SNAI2: variants seen among roughly 807,000 people sequenced by gnomAD.
The protein encoded by SNAI2 is snail family transcriptional repressor 2, also known as zinc finger protein SNAI2.
In SNAI2, 2 loss-of-function variants were observed where a neutral mutation model predicts 22.4. That is an observed-to-expected ratio of 0.09 (90% confidence interval 0.04 to 0.28). The LOEUF is 0.28. SNAI2 is among the 10% of genes least tolerant of loss of function. The pLI is 1.00. For missense variants in SNAI2, 239 were observed against 320.8 expected, an observed-to-expected ratio of 0.75 and a Z score of 1.95; for synonymous variants, 134 against 123.0, an observed-to-expected ratio of 1.09 and a Z score of -0.59.
Position 48,918,995 on chromosome 8 carries a change from G to T in SNAI2, c.626-7C>A. ...CAAGAAAAAGGCTTCTCCCCTGGGG[G>T]TGGAGTGGGAGAAAAAAAGAAAGAC... On this transcript the variant is annotated splice_polypyrimidine_tract_variant and splice_region_variant and intron_variant, in intron 2 of 2. Coordinates refer to ENST00000020945, the MANE Select transcript of SNAI2 (RefSeq NM_003068.5). The T allele has an allele frequency of 6.2e-7, 1 of 1,613,032 alleles. No homozygotes were observed. The highest frequency in any genetic ancestry group is 1.3e-5 in the African/African-American group (1 of 75,014).
At chr8:48,920,883 C>T (rs1222414115) in intron 1 of SNAI2, among the ~76,000 whole-genome samples, 1 of 152,202 alleles carries the variant, frequency 6.6e-6, no homozygotes, top group Non-Finnish European at 1.5e-5. Context: ...GCATGAAAAA[C>T]GCAGTAATTC....
chr8:48,919,765 A>G, intron 2 of SNAI2, 131 bp downstream of exon 2: 4 of 981,502 alleles, frequency 4.1e-6, no homozygotes, highest in Non-Finnish European at 6.4e-6. Context: ...CTTTTTGAGT[A>G]GTCAGGAAGT....
At position 48,918,241 on chromosome 8, in the gene SNAI2, A is replaced by AG. The variant is rs1806107103; in HGVS notation, c.*565_*566insC. The AG allele has an allele frequency of 1.3e-5, 2 of 153,416 alleles. No homozygotes were observed. The highest frequency in any genetic ancestry group is 2.9e-5 in the Non-Finnish European group (2 of 68,852). 9.5% of individuals were successfully genotyped at this position (153,416 alleles called of 1,614,324 possible). A position where few individuals can be genotyped will look rare whatever the true frequency, so the allele number is the denominator to read the frequency against. On this transcript the variant is annotated 3_prime_UTR_variant, in exon 3 of 3. Coordinates refer to ENST00000020945, the MANE Select transcript of SNAI2 (RefSeq NM_003068.5). ...CATTCTCCTGTGTTTTGTTCTTGTT[A>AG]TTTTTTTCCTCCCTTTTAAAAATAT...
Position 48,918,568 on chromosome 8 carries a change from A to G in SNAI2, c.*239T>C, listed in dbSNP as rs996257382. On this transcript the variant is annotated 3_prime_UTR_variant, in exon 3 of 3. Coordinates refer to ENST00000020945, the MANE Select transcript of SNAI2 (RefSeq NM_003068.5). ...TGTCTTTTATTCTCTCAATCTAGCC[A>G]TCAGCAAATATATAGTAATTTTAAA... is the stretch of plus-strand genomic sequence containing the variant. 8 of 520,306 alleles carry G rather than the reference A, an allele frequency of 1.5e-5. No individual in the cohort carries two copies. The highest frequency in any genetic ancestry group is 2.7e-5 in the Non-Finnish European group (8 of 290,966). 32.2% of individuals were successfully genotyped at this position (520,306 alleles called of 1,614,324 possible). A position where few individuals can be genotyped will look rare whatever the true frequency, so the allele number is the denominator to read the frequency against.
In SNAI2 at chr8:48,920,367, C is replaced by G. The variant is rs753326846; in HGVS notation, c.154G>C (p.Ala52Pro). The change falls in exon 2 of 3, where the codon GCA (alanine) becomes CCA (proline). Residue 52 changes from alanine (A) to proline (P), a missense_variant. Physicochemically the swap from Ala to Pro is conservative, Grantham distance 27. Coordinates refer to ENST00000020945, the MANE Select transcript of SNAI2 (RefSeq NM_003068.5). ...IPQPEILSSG[A>P]YSPITVWTTA... ...GTCCACACAGTGATGGGGCTGTATGCTCCTGAGCTGAGGATCTCTGGTTGT... is the reference window on the plus strand; with the variant it reads ...GTCCACACAGTGATGGGGCTGTATGGTCCTGAGCTGAGGATCTCTGGTTGT... 3 of 1,613,852 alleles carry G rather than the reference C, an allele frequency of 1.9e-6. No homozygotes were observed. Among genetic ancestry groups the G allele is most frequent in the Non-Finnish European group, 1.7e-6 (2 of 1,179,908 alleles).
At position 48,917,893 on chromosome 8, in the gene SNAI2, G is replaced by A. The variant is rs1052883909; in HGVS notation, c.*914C>T. The A allele has an allele frequency of 2.0e-5, 3 of 152,096 alleles. No individual in the cohort carries two copies. The highest frequency in any genetic ancestry group is 7.2e-5 in the African/African-American group (3 of 41,418). 9.4% of individuals were successfully genotyped at this position (152,096 alleles called of 1,614,324 possible). A position where few individuals can be genotyped will look rare whatever the true frequency, so the allele number is the denominator to read the frequency against. ...ATAGACAACATCTCAGTTTCATACA[G>A]AACTCATTCAATCATATAAAAATAA... is the stretch of plus-strand genomic sequence containing the variant. On this transcript the variant is annotated 3_prime_UTR_variant, in exon 3 of 3. Coordinates refer to ENST00000020945, the MANE Select transcript of SNAI2 (RefSeq NM_003068.5).
chr8:48,921,260 C>T lies in SNAI2; in HGVS notation c.6G>A (p.Pro2=), dbSNP rs1205315702. 2 of 1,612,864 alleles carry T rather than the reference C, an allele frequency of 1.2e-6. No individual in the cohort carries two copies. The change falls in exon 1 of 3, where the codon CCG becomes CCA. Residue 2 remains proline, a synonymous_variant. Transcript: ENST00000020945. M[P]RSFLVKKHFN... is the part of the protein sequence containing the mutation. ...AATGCTTCTTGACCAGGAAGGAGCG[C>T]GGCATCTTGCCAGCGGGTCTGGCGG... is the stretch of plus-strand genomic sequence containing the variant.
intron 1 of SNAI2, 139 bp from the exon 2 acceptor site, chr8:48,920,580 G>A (rs947749103): frequency 1.8e-5 from 14 of 774,582 alleles, no homozygotes; most frequent in Non-Finnish European, 2.6e-5. Flanking sequence ...CCATTTAGGA[G>A]GGCATACACA....
chr8:48,918,594 C>T lies in SNAI2; in HGVS notation c.*213G>A, dbSNP rs1017771965. On this transcript the variant is annotated 3_prime_UTR_variant, in exon 3 of 3. Transcript: ENST00000020945. ...TCAGCAAATATATAGTAATTTTAAACTTCACATGGAAAGGATTATCTTTAA... is the reference window on the plus strand; with the variant it reads ...TCAGCAAATATATAGTAATTTTAAATTTCACATGGAAAGGATTATCTTTAA... 7 of 552,940 alleles carry T rather than the reference C, an allele frequency of 1.3e-5. No individual in the cohort carries two copies. The Admixed American group carries it at 2.0e-4, about 15-fold the overall frequency. 34.3% of individuals were successfully genotyped at this position (552,940 alleles called of 1,614,324 possible).
Position 48,918,263 on chromosome 8 carries a change from A to G in SNAI2, c.*544T>C, listed in dbSNP as rs543834444. The stretch of plus-strand genomic sequence containing the variant: ...GTTATTTTTTTCCTCCCTTTTAAAA[A>G]TATACTTTAAAGCACTACAGGTAAT... On this transcript the variant is annotated 3_prime_UTR_variant, in exon 3 of 3. Transcript: ENST00000020945. 13 of 153,288 alleles carry G rather than the reference A, an allele frequency of 8.5e-5. No homozygotes were observed. The South Asian group carries it at 2.2e-3, about 26-fold the overall frequency. The allele number at this position is 153,288 out of a possible 1,614,324, so 9.5% of individuals were successfully genotyped here. A position where few individuals can be genotyped will look rare whatever the true frequency, so the allele number is the denominator to read the frequency against.
Position 48,918,987 on chromosome 8 carries a change from C to T in SNAI2, c.627G>A (p.Gly209=), listed in dbSNP as rs1292294234. 5.0e-6 allele frequency: 8 copies of T among 1,613,302 alleles called. No homozygotes were observed. Among genetic ancestry groups the T allele is most frequent in the African/African-American group, 2.7e-5 (2 of 74,854 alleles). The change falls in exon 3 of 3, where the codon GGG becomes GGA. Residue 209 remains glycine (G), a splice_region_variant and synonymous_variant. Coordinates refer to ENST00000020945, the MANE Select transcript of SNAI2 (RefSeq NM_003068.5). ...LLQGHIRTHT[G]EKPFSCPHCN... ...AGTGAGGGCAAGAAAAAGGCTTCTC[C>T]CCTGGGGGTGGAGTGGGAGAAAAAA...
At chr8:48,920,885 C>T (rs1347825825) in intron 1 of SNAI2, among the ~76,000 whole-genome samples, 1 of 152,170 alleles carries the variant, frequency 6.6e-6, no homozygotes, top group Non-Finnish European at 1.5e-5. Flanking sequence ...ATGAAAAACG[C>T]AGTAATTCAA....
Position 48,920,405 on chromosome 8 carries a change from A to G in SNAI2, c.116T>C (p.Met39Thr). 6.2e-7 allele frequency: 1 copy of G among 1,614,200 alleles called. No individual in the cohort carries two copies. Among genetic ancestry groups the G allele is most frequent in the Non-Finnish European group, 8.5e-7 (1 of 1,180,020 alleles). Residue 39 changes from methionine (M) to threonine (T), a missense_variant, in exon 2 of 3, where the codon ATG becomes ACG. Coordinates refer to ENST00000020945, the MANE Select transcript of SNAI2 (RefSeq NM_003068.5). ...GATCTCTGGTTGTGGTATGACAGGCATGGAGTAACTCTCATAGAGATACGG... is the reference window on the plus strand; with the variant it reads ...GATCTCTGGTTGTGGTATGACAGGCGTGGAGTAACTCTCATAGAGATACGG... ...ISPYLYESYS[M>T]PVIPQPEILS...
chr8:48,919,294 G>A (rs1806125015), intron 2 of SNAI2, among the ~76,000 whole-genome samples: 1 of 152,272 alleles, frequency 6.6e-6, no homozygotes, highest in African/African-American at 2.4e-5. Context: ...CTAATGTTGA[G>A]CACCTCCCAA....
chr8:48,919,582 G>T (rs1410969165), intron 2 of SNAI2, among the ~76,000 whole-genome samples: 1 of 152,172 alleles, frequency 6.6e-6, no homozygotes, highest in Non-Finnish European at 1.5e-5. Flanking sequence ...ATTTGTATTT[G>T]CTGATTACTG....
At position 48,920,362 on chromosome 8, in the gene SNAI2, G is replaced by A; in HGVS notation, c.159C>T (p.Tyr53=). 6.2e-7 allele frequency: 1 copy of A among 1,613,884 alleles called. No individual in the cohort carries two copies. The highest frequency in any genetic ancestry group is 8.5e-7 in the Non-Finnish European group (1 of 1,179,822). Residue 53 remains tyrosine, a synonymous_variant, in exon 2 of 3, where the codon TAC becomes TAT. Coordinates refer to ENST00000020945, the MANE Select transcript of SNAI2 (RefSeq NM_003068.5). The part of the protein sequence containing the change: ...PQPEILSSGA[Y]SPITVWTTAA... Reference sequence around the variant, plus strand: ...CGGTAGTCCACACAGTGATGGGGCTGTATGCTCCTGAGCTGAGGATCTCTG... The same window carrying A: ...CGGTAGTCCACACAGTGATGGGGCTATATGCTCCTGAGCTGAGGATCTCTG...
chr8:48,919,551 T>A (rs1806129943), intron 2 of SNAI2, among the ~76,000 whole-genome samples: 1 of 152,182 alleles, frequency 6.6e-6, no homozygotes. Context: ...ATTAACCAAA[T>A]CAATTGATTA....
chr8:48,919,646 G>C (rs1267740673), intron 2 of SNAI2, among the ~76,000 whole-genome samples: 3 of 152,224 alleles, frequency 2.0e-5, no homozygotes, highest in South Asian at 2.1e-4. Flanking sequence ...TTTTCTAACT[G>C]ATCTTTGAGA....
Position 48,918,428 on chromosome 8 carries a change from A to G in SNAI2, c.*379T>C. ...AAATCCTATTACAGACTCTATTACA[A>G]AGCAATACTGTTCTTTTCAGTTGAA... On this transcript the variant is annotated 3_prime_UTR_variant, in exon 3 of 3. Transcript: ENST00000020945. The G allele has an allele frequency of 3.8e-6, 1 of 264,648 alleles. No homozygotes were observed. Among genetic ancestry groups the G allele is most frequent in the South Asian group, 4.5e-5 (1 of 22,438 alleles). 16.4% of individuals were successfully genotyped at this position (264,648 alleles called of 1,614,324 possible).
Sources: gnomAD v4.1 joint callset for allele counts (sites outside exome capture counted in the v4.1 genomes callset) on GRCh38, gnomAD v4.1.1 for gene constraint, MANE v1.5 for transcripts, NCBI Gene and HGNC (gene_info 2026-07-23, HGNC 2026-07-21) for gene names.